Variants in PCDHGA6 observed in about 807,000 individuals in gnomAD.
The protein encoded by PCDHGA6 is protocadherin gamma subfamily A, 6.
A neutral mutation model predicts 60.6 loss-of-function variants in PCDHGA6; 41 were observed. The observed-to-expected ratio is 0.68, with a 90% confidence interval of 0.53 to 0.88. The LOEUF (loss-of-function observed/expected upper bound fraction) is 0.88, where lower values mean the gene tolerates loss of function less well. PCDHGA6 is among the 40% of genes least tolerant of loss of function. The probability of loss-of-function intolerance (pLI) is 0.00; values close to 1 mark genes in which losing one functional copy is unlikely to be tolerated. For missense variants in PCDHGA6, 1,312 were observed against 1,203.0 expected, an observed-to-expected ratio of 1.09 and a Z score of -1.34; for synonymous variants, 594 against 524.4, an observed-to-expected ratio of 1.13 and a Z score of -1.81.
rs372648693 is a variant in PCDHGA6, at chr5:141,417,997, G to A, written c.2424+41490G>A. 244 of 1,613,872 alleles carry A rather than the reference G, an allele frequency of 1.5e-4. No homozygotes were observed. The Middle Eastern group carries it at 3.5e-3, about 23-fold the overall frequency. On this transcript the variant is annotated intron_variant, in intron 1 of 3. Transcript: ENST00000517434. ...CGGAGGAGCTGGCCAAGGGCTCGGT[G>A]GTGGGGAACCTCGCTAAGGATCTAG...
intron 1 of PCDHGA6, chr5:141,394,523 C>T (rs373702756): frequency 5.0e-6 from 8 of 1,614,234 alleles, no homozygotes; most frequent in Non-Finnish European, 6.8e-6. Context: ...TCCCCACAGA[C>T]GGTTCCACTG....
At chr5:141,393,222 G>T (rs950133126) in intron 1 of PCDHGA6, 2 of 1,613,670 alleles carry the variant, frequency 1.2e-6, no homozygotes, top group East Asian at 2.2e-5. Flanking sequence ...CCAGGTCGAA[G>T]ATCTAGAAGT....
rs760572189 is a variant in PCDHGA6 at position 141,477,159 on chromosome 5, A to G, written c.2425-17648A>G. ...GTGGAGGTTGTGGATGTGAATGACA[A>G]CGCCCCGGAGATCACAGTCACCTCC... is the stretch of plus-strand genomic sequence containing the variant. On this transcript the variant is annotated intron_variant, in intron 1 of 3. Transcript: ENST00000517434. The surrounding 1 kb of genome is among the most constrained non-coding windows in gnomAD (Gnocchi z 4.9). The G allele has an allele frequency of 1.7e-5, 28 of 1,613,854 alleles. No individual in the cohort carries two copies. In the South Asian group the frequency reaches 3.1e-4, roughly 18 times the overall value.
Position 141,486,572 on chromosome 5 carries a change from A to G in PCDHGA6, c.2425-8235A>G. 1 of 1,613,876 alleles carries G rather than the reference A, an allele frequency of 6.2e-7. No individual in the cohort carries two copies. Among genetic ancestry groups the G allele is most frequent in the Non-Finnish European group, 8.5e-7 (1 of 1,180,002 alleles). ...GTCACATGAGGTGTTTGTTCCTGAG[A>G]ACAATCGCCCAGGGGACCTGCTTTG... is the stretch of plus-strand genomic sequence containing the variant. On this transcript the variant is annotated intron_variant, in intron 1 of 3. Coordinates refer to ENST00000517434, the MANE Select transcript of PCDHGA6 (RefSeq NM_018919.3). This position sits in a 1 kb window ranked among gnomAD's most constrained non-coding sequence, Gnocchi z 5.0.
chr5:141,432,991 C>G lies in PCDHGA6; in HGVS notation c.2424+56484C>G, dbSNP rs1269992849. ...CGGCGTCGCACTTTGTGGGCGTGGACGGGGTGCAGGCTTTCCTGCAGACCT... is the reference window on the plus strand; with the variant it reads ...CGGCGTCGCACTTTGTGGGCGTGGAGGGGGTGCAGGCTTTCCTGCAGACCT... On this transcript the variant is annotated intron_variant, in intron 1 of 3. Transcript: ENST00000517434. The surrounding 1 kb of genome is among the most constrained non-coding windows in gnomAD (Gnocchi z 6.0). The G allele has an allele frequency of 6.2e-7, 1 of 1,614,200 alleles. No homozygotes were observed. Among genetic ancestry groups the G allele is most frequent in the Admixed American group, 1.7e-5 (1 of 60,032 alleles).
intron 1 of PCDHGA6, chr5:141,393,707 T>G (rs1296711922): frequency 6.2e-7 from 1 of 1,613,882 alleles, no homozygotes; most frequent in East Asian, 2.2e-5. Flanking sequence ...ATGAAAATAC[T>G]GGGGAAATAT....
intron 1 of PCDHGA6, chr5:141,411,225 GC>G (rs1253575140): frequency 1.3e-5 from 2 of 152,092 alleles, no homozygotes; most frequent in African/African-American, 4.8e-5. Flanking sequence ...ATTCAAATTT[GC>G]GAAGACTTAG....
intron 1 of PCDHGA6, among the ~76,000 whole-genome samples, chr5:141,470,068 G>A (rs1269966360): frequency 6.6e-6 from 1 of 152,240 alleles, no homozygotes; most frequent in East Asian, 1.9e-4. Flanking sequence ...GGCAGAGACT[G>A]TAGTGATCTG....
chr5:141,444,350 T>C (rs1021358194), intron 1 of PCDHGA6, among the ~76,000 whole-genome samples: 7 of 151,946 alleles, frequency 4.6e-5, no homozygotes, highest in Admixed American at 2.0e-4. Context: ...TTTGTATTTT[T>C]AGTAGAGACG....
At chr5:141,388,635 C>G (rs1441074974) in intron 1 of PCDHGA6, 7 of 1,613,896 alleles carry the variant, frequency 4.3e-6, no homozygotes, top group Non-Finnish European at 5.9e-6. Context: ...CAGGGTGAGC[C>G]TTTCAGAAAA....
At chr5:141,499,271 T>C (rs2099790752) in intron 2 of PCDHGA6, among the ~76,000 whole-genome samples, 1 of 152,180 alleles carries the variant, frequency 6.6e-6, no homozygotes, top group South Asian at 2.1e-4. Context: ...GTCCCTAGAC[T>C]GTTCTCTGAT....
At chr5:141,382,657 C>T (rs1385150684) in intron 1 of PCDHGA6, 5 of 416,908 alleles carry the variant, frequency 1.2e-5, no homozygotes, top group Non-Finnish European at 2.1e-5. Flanking sequence ...AGTAAGGACT[C>T]ACAGCGCCGC....
rs376101780 is a variant in PCDHGA6, at chr5:141,485,901, A to G, written c.2425-8906A>G. 3 of 1,614,026 alleles carry G rather than the reference A, an allele frequency of 1.9e-6. No homozygotes were observed. In the African/African-American group the frequency reaches 4.0e-5, roughly 22 times the overall value. Reference sequence around the variant, plus strand: ...GTAAACGACAACGCCCCAGCCTTCCAGCAATCCAGCTACAGGATTAGTGTG... The same window carrying G: ...GTAAACGACAACGCCCCAGCCTTCCGGCAATCCAGCTACAGGATTAGTGTG... On this transcript the variant is annotated intron_variant, in intron 1 of 3. Coordinates refer to ENST00000517434, the MANE Select transcript of PCDHGA6 (RefSeq NM_018919.3). This position sits in a 1 kb window ranked among gnomAD's most constrained non-coding sequence, Gnocchi z 5.7.
chr5:141,378,222 A>G (rs574464825), intron 1 of PCDHGA6: 1 of 152,350 alleles, frequency 6.6e-6, no homozygotes, highest in South Asian at 2.1e-4. Flanking sequence ...TGTGTGCCTG[A>G]TAGTATTTAA....
chr5:141,388,237 A>G, intron 1 of PCDHGA6: 3 of 1,607,818 alleles, frequency 1.9e-6, no homozygotes, highest in Non-Finnish European at 2.6e-6. Context: ...AACTTTTATC[A>G]CGTGAATGTG....
chr5:141,400,155 A>C lies in PCDHGA6; in HGVS notation c.2424+23648A>C, dbSNP rs756922498. The C allele has an allele frequency of 5.0e-6, 8 of 1,613,966 alleles. 1 individual carries two copies. The South Asian group carries it at 6.6e-5, about 13-fold the overall frequency. ...TGCCGGATATCACTGACCGCCCTGT[A>C]CCCTCTGACCCCCAGGCTGAGCTGC... On this transcript the variant is annotated intron_variant, in intron 1 of 3. Transcript: ENST00000517434.
intron 3 of PCDHGA6, among the ~76,000 whole-genome samples, chr5:141,509,092 G>T (rs943269087): frequency 1.3e-5 from 2 of 152,180 alleles, no homozygotes; most frequent in African/African-American, 4.8e-5. Context: ...TGAAATGGGG[G>T]CTGTAGAAAC....
At chr5:141,433,607 G>T (rs1209706866) in intron 1 of PCDHGA6, among the ~76,000 whole-genome samples, 1 of 152,080 alleles carries the variant, frequency 6.6e-6, no homozygotes. Flanking sequence ...AGGCCGAGGC[G>T]GGTGGATCAC....
intron 1 of PCDHGA6, chr5:141,427,868 C>T (rs1311930991): frequency 4.5e-6 from 7 of 1,559,298 alleles, no homozygotes; most frequent in African/African-American, 2.7e-5. Context: ...CCTTCGAGCT[C>T]ACGATGCAGG....
Sources: gnomAD v4.1 joint callset for allele counts (sites outside exome capture counted in the v4.1 genomes callset) on GRCh38, gnomAD v4.1.1 for gene constraint, Gnocchi (gnomAD v3.1) non-coding constraint, MANE v1.5 for transcripts, NCBI Gene and HGNC (gene_info 2026-07-23, HGNC 2026-07-21) for gene names.